The following UFL1 variants were observed in gnomAD, a reference collection of about 807,000 sequenced individuals.
UFL1 encodes UFM1 specific ligase 1.
UFL1 carries 78 observed loss-of-function variants against 99.3 expected under a neutral mutation model. That is an observed-to-expected ratio of 0.79 (90% CI 0.65 to 0.95). The LOEUF (loss-of-function observed/expected upper bound fraction) is 0.95, where lower values mean the gene tolerates loss of function less well. Among genes scored for constraint, UFL1 ranks in the 40% least tolerant of loss-of-function variants. The pLI is 0.00. For missense variants in UFL1, 936 were observed against 937.0 expected, an observed-to-expected ratio of 1.00 and a Z score of 0.01; for synonymous variants, 335 against 322.2, an observed-to-expected ratio of 1.04 and a Z score of -0.42.
Position 96,525,014 on chromosome 6 carries a change from T to C in UFL1, c.253-283T>C, listed in dbSNP as rs574004584. The stretch of plus-strand genomic sequence containing the variant: ...CACCTCTAATTTTTTATTTGGCCAA[T>C]GCTTTTCGTATTATTTCAGATTGAT... On this transcript the variant is annotated intron_variant, in intron 3 of 18. Transcript: ENST00000369278. 2.0e-5 allele frequency among the ~76,000 whole-genome samples: 3 copies of C among 152,120 alleles called. No individual in the cohort carries two copies. In the East Asian group the frequency reaches 5.8e-4, roughly 29 times the overall value.
At position 96,552,465 on chromosome 6, in the gene UFL1, C is replaced by CTT. The variant is rs746589180; in HGVS notation, c.1986-4_1986-3dup. 621 of 1,322,484 alleles carry CTT rather than the reference C, an allele frequency of 4.7e-4. No individual in the cohort carries two copies. Among genetic ancestry groups the CTT allele is most frequent in the South Asian group, 2.2e-3 (151 of 67,120 alleles). 81.9% of individuals were successfully genotyped at this position (1,322,484 alleles called of 1,614,324 possible). A position where few individuals can be genotyped will look rare whatever the true frequency, so the allele number is the denominator to read the frequency against. On this transcript the variant is annotated splice_polypyrimidine_tract_variant and intron_variant, in intron 17 of 18. Transcript: ENST00000369278. ...TAAATTATGATAATGAATTTGTGTG[C>CTT]TTTTTTTTTTTTTTAGACAGATACT... is the stretch of plus-strand genomic sequence containing the variant.
In UFL1 at chr6:96,550,765, T is replaced by C. The variant is rs538664996; in HGVS notation, c.1819-668T>C. On this transcript the variant is annotated intron_variant, in intron 15 of 18. Transcript: ENST00000369278. ...TCTCTGCTATGGAAAATACAGAATA[T>C]CTTGTTCCATGCCCTTTAAGGGCCA... is the stretch of plus-strand genomic sequence containing the variant. 8.5e-5 allele frequency among the ~76,000 whole-genome samples: 13 copies of C among 152,054 alleles called. No homozygotes were observed. In the East Asian group the frequency reaches 2.5e-3, roughly 29 times the overall value.
chr6:96,524,491 C>A, intron 3 of UFL1, 81 bp downstream of exon 3: 2 of 1,061,470 alleles, frequency 1.9e-6, no homozygotes, highest in Non-Finnish European at 2.7e-6. Flanking sequence ...TTCACTAATG[C>A]TGGTATCATA....
chr6:96,531,824 AG>A (rs1769786492), intron 6 of UFL1, among the ~76,000 whole-genome samples: 3 of 152,098 alleles, frequency 2.0e-5, no homozygotes, highest in African/African-American at 7.2e-5. Context: ...CGCTATATGG[AG>A]GTACCATCAA....
chr6:96,538,949 T>C (rs535618912), intron 10 of UFL1, 139 bp downstream of exon 10: 4 of 742,102 alleles, frequency 5.4e-6, no homozygotes, highest in Non-Finnish European at 7.8e-6. Flanking sequence ...TCATTCGTTT[T>C]TATTTTGTCT....
intron 11 of UFL1, among the ~76,000 whole-genome samples, chr6:96,542,211 ATT>A (rs1324201394): frequency 2.6e-5 from 4 of 151,268 alleles, no homozygotes; most frequent in South Asian, 2.1e-4. Context: ...CAGTGTTTGC[ATT>A]TGTTTCATAA....
At chr6:96,550,108 A>G (rs1332226728) in intron 15 of UFL1, among the ~76,000 whole-genome samples, 5 of 151,854 alleles carry the variant, frequency 3.3e-5, no homozygotes, top group South Asian at 2.1e-4. Context: ...ACCCATTTCC[A>G]TAACTTTGAA....
At chr6:96,545,521 T>C (rs1769986844) in intron 12 of UFL1, among the ~76,000 whole-genome samples, 1 of 150,934 alleles carries the variant, frequency 6.6e-6, no homozygotes. Flanking sequence ...AACAATTATT[T>C]GAATTGTGAT....
intron 3 of UFL1, among the ~76,000 whole-genome samples, chr6:96,524,991 C>G (rs951934641): frequency 1.3e-5 from 2 of 151,968 alleles, no homozygotes; most frequent in South Asian, 2.1e-4. Flanking sequence ...AAGCAATACA[C>G]CTCTAATTTT....
intron 16 of UFL1, 146 bp from the exon 17 acceptor site, chr6:96,551,692 C>T (rs1446560510): frequency 2.8e-6 from 2 of 717,260 alleles, no homozygotes; most frequent in East Asian, 2.8e-5. Context: ...ATTGTTAGTT[C>T]TATATCACAA....
chr6:96,528,532 A>C lies in UFL1; in HGVS notation c.496A>C (p.Ser166Arg). Residue 166 changes from serine (S) to arginine (R), a missense_variant, in exon 6 of 19, where the codon AGT (serine) becomes CGT (arginine). Transcript: ENST00000369278. Reference sequence around the variant, plus strand: ...AACTCAGCGACTTGGTAGAATTATCAGTGGACATATTGATCTTGATAATAG... The same window carrying C: ...AACTCAGCGACTTGGTAGAATTATCCGTGGACATATTGATCTTGATAATAG... The part of the protein sequence containing the change: ...ALTQRLGRII[S>R]GHIDLDNRGV... 6.2e-7 allele frequency: 1 copy of C among 1,613,708 alleles called. No individual in the cohort carries two copies. The highest frequency in any genetic ancestry group is 8.5e-7 in the Non-Finnish European group (1 of 1,179,772).
chr6:96,526,454 A>G lies in UFL1; in HGVS notation c.465+19A>G. On this transcript the variant is annotated intron_variant, in intron 5 of 18. Coordinates refer to ENST00000369278, the MANE Select transcript of UFL1 (RefSeq NM_015323.5). ...GACACAGGTATTTTTTTTCCTAATA[A>G]TACAATGTGTCTTTTTACCAAAGGA... 6.3e-7 allele frequency: 1 copy of G among 1,582,126 alleles called. No individual in the cohort carries two copies. The highest frequency in any genetic ancestry group is 8.6e-7 in the Non-Finnish European group (1 of 1,156,834).
chr6:96,548,728 C>T (rs1023291164), intron 13 of UFL1, among the ~76,000 whole-genome samples: 4 of 151,620 alleles, frequency 2.6e-5, no homozygotes, highest in African/African-American at 9.7e-5. Context: ...TTTAGGCACT[C>T]CTACCTTATG....
rs1258027734 is a variant in UFL1, at chr6:96,526,337, T to C, written c.367T>C (p.Leu123=). 1.2e-6 allele frequency: 2 copies of C among 1,613,264 alleles called. No individual in the cohort carries two copies. The highest frequency in any genetic ancestry group is 1.7e-6 in the Non-Finnish European group (2 of 1,179,710). Residue 123 remains leucine (L), a synonymous_variant, in exon 5 of 19, where the codon TTG becomes CTG. Transcript: ENST00000369278. ...CACTATTAGGAATTATTTGGATCGG[T>C]TGGCAGAAGAGGTCAATGATAAATT... The part of the protein sequence containing the change: ...QLIDENYLDR[L]AEEVNDKLQE...
At chr6:96,523,700 C>T (rs1484263999) in intron 2 of UFL1, among the ~76,000 whole-genome samples, 1 of 152,114 alleles carries the variant, frequency 6.6e-6, no homozygotes, top group Non-Finnish European at 1.5e-5. Flanking sequence ...CTTACTTGTA[C>T]TTACAAATTA....
intron 1 of UFL1, 62 bp downstream of exon 1, chr6:96,522,012 T>C: frequency 1.3e-6 from 2 of 1,544,826 alleles, no homozygotes; most frequent in Non-Finnish European, 1.8e-6. Context: ...CACGCCTGTA[T>C]CTGGGACTTT....
intron 16 of UFL1, 34 bp from the exon 17 acceptor site, chr6:96,551,804 T>C: frequency 1.4e-6 from 2 of 1,401,650 alleles, no homozygotes; most frequent in South Asian, 2.5e-5. Flanking sequence ...CAGTTATATA[T>C]AAAAGTAAAT....
intron 8 of UFL1, among the ~76,000 whole-genome samples, chr6:96,536,989 A>C (rs1031979558): frequency 6.6e-6 from 1 of 151,424 alleles, no homozygotes; most frequent in Non-Finnish European, 1.5e-5. Context: ...TATATATAAG[A>C]TATATATACA....
chr6:96,524,343 A>G lies in UFL1; in HGVS notation c.224-39A>G, dbSNP rs769318419. 24 of 1,574,476 alleles carry G rather than the reference A, an allele frequency of 1.5e-5. No individual in the cohort carries two copies. In the Admixed American group the frequency reaches 2.0e-4, roughly 13 times the overall value. ...TATAGCTTTGGGTTGGTATGTACGC[A>G]TAGATCATTTAAAATAAATGAATGT... On this transcript the variant is annotated intron_variant, in intron 2 of 18. Coordinates refer to ENST00000369278, the MANE Select transcript of UFL1 (RefSeq NM_015323.5).
Sources: allele counts gnomAD v4.1 joint callset (sites outside exome capture counted in the v4.1 genomes callset), GRCh38; gene constraint gnomAD v4.1.1; transcripts MANE v1.5; gene names NCBI Gene and HGNC (gene_info 2026-07-23, HGNC 2026-07-21).